NAALADL2: variants seen among roughly 807,000 people sequenced by gnomAD.
NAALADL2 encodes the protein inactive N-acetylated-alpha-linked acidic dipeptidase-like protein 2.
NAALADL2 carries 76 observed loss-of-function variants against 87.2 expected under a neutral mutation model. That is an observed-to-expected ratio of 0.87 (90% confidence interval 0.72 to 1.05). NAALADL2 has a LOEUF of 1.05. Ranked by LOEUF, NAALADL2 falls within the 50% of genes least tolerant of loss-of-function variation. NAALADL2 has a pLI of 0.00. For missense variants in NAALADL2, 1,089 were observed against 945.8 expected (o/e 1.15, Z -1.99); for synonymous variants, 354 against 331.0 (o/e 1.07, Z -0.75).
chr3:174,883,077 A>G (rs550709233), intron 1 of NAALADL2, among the ~76,000 whole-genome samples: 105 of 152,178 alleles, frequency 6.9e-4, no homozygotes, highest in African/African-American at 2.3e-3. Context: ...AGCATCCAGC[A>G]TGGGGGAAAG....
intron 10 of NAALADL2, among the ~76,000 whole-genome samples, chr3:175,578,422 G>A (rs1719232944): frequency 6.6e-6 from 1 of 152,000 alleles, no homozygotes; most frequent in African/African-American, 2.4e-5. Context: ...GACAGAGTGA[G>A]ACACTATCTC....
intron 4 of NAALADL2, among the ~76,000 whole-genome samples, chr3:175,291,346 T>G (rs1379078185): frequency 6.6e-6 from 1 of 152,170 alleles, no homozygotes; most frequent in African/African-American, 2.4e-5. Flanking sequence ...TTGCTATGCT[T>G]ATTATATATT....
intron 2 of NAALADL2, among the ~76,000 whole-genome samples, chr3:175,126,020 T>C (rs942413416): frequency 6.6e-6 from 1 of 152,084 alleles, no homozygotes; most frequent in South Asian, 2.1e-4. Flanking sequence ...TCTAAGAGTA[T>C]GTAGTGTTCA....
intron 1 of NAALADL2, among the ~76,000 whole-genome samples, chr3:174,462,210 T>C (rs1195761019): frequency 1.3e-5 from 2 of 152,068 alleles, no homozygotes; most frequent in African/African-American, 4.8e-5. Flanking sequence ...TTCAATGTTA[T>C]CCCGTATTTC....
chr3:175,165,121 A>G (rs1226343400), intron 2 of NAALADL2, among the ~76,000 whole-genome samples: 1 of 152,096 alleles, frequency 6.6e-6, no homozygotes, highest in Non-Finnish European at 1.5e-5. Flanking sequence ...TACTCAATTC[A>G]TGCATTCTTC....
intron 2 of NAALADL2, among the ~76,000 whole-genome samples, chr3:174,642,973 G>T (rs1173236565): frequency 6.6e-6 from 1 of 151,748 alleles, no homozygotes; most frequent in African/African-American, 2.4e-5. Context: ...GTAGAGTCAG[G>T]GTCTCACTAT....
At chr3:174,902,036 C>T (rs188409200) in intron 1 of NAALADL2, among the ~76,000 whole-genome samples, 3 of 152,054 alleles carry the variant, frequency 2.0e-5, no homozygotes, top group Admixed American at 6.6e-5. Context: ...ACACGACTTA[C>T]GTGGGAATCT....
intron 10 of NAALADL2, among the ~76,000 whole-genome samples, chr3:175,622,678 A>G (rs1032354595): frequency 3.9e-5 from 6 of 152,176 alleles, no homozygotes; most frequent in Non-Finnish European, 8.8e-5. Context: ...GTGATTGACA[A>G]CAGTTTACTA....
chr3:175,026,725 C>T (rs1271037737), intron 1 of NAALADL2, among the ~76,000 whole-genome samples: 2 of 151,738 alleles, frequency 1.3e-5, no homozygotes, highest in African/African-American at 4.8e-5. Context: ...AAAAATATCT[C>T]TGGTTTAAAG....
At chr3:175,027,313 A>T (rs1286506894) in intron 1 of NAALADL2, among the ~76,000 whole-genome samples, 1 of 152,152 alleles carries the variant, frequency 6.6e-6, no homozygotes, top group Non-Finnish European at 1.5e-5. Flanking sequence ...GATCTGAAGC[A>T]GCATAGGTGA....
At chr3:174,898,909 TCTTGA>T (rs1227384160) in intron 1 of NAALADL2, among the ~76,000 whole-genome samples, 48 of 152,174 alleles carry the variant, frequency 3.2e-4, no homozygotes, top group African/African-American at 1.1e-3. Context: ...ATGTTGTACT[TCTTGA>T]CTTGAGTAGT....
At chr3:175,473,297 T>C (rs1297377950) in intron 9 of NAALADL2, among the ~76,000 whole-genome samples, 1 of 152,100 alleles carries the variant, frequency 6.6e-6, no homozygotes, top group East Asian at 1.9e-4. Flanking sequence ...TGTCAACATG[T>C]ACCTCACTTT....
intron 1 of NAALADL2, among the ~76,000 whole-genome samples, chr3:175,040,162 T>C (rs1162655579): frequency 6.6e-6 from 1 of 152,156 alleles, no homozygotes; most frequent in African/African-American, 2.4e-5. Flanking sequence ...ACGCCTGAAA[T>C]TGTAATCATT....
In NAALADL2 at chr3:175,385,744, T is replaced by A. The variant is rs113707218; in HGVS notation, c.1090+61419T>A. On this transcript the variant is annotated intron_variant, in intron 5 of 13. Coordinates refer to ENST00000454872, the MANE Select transcript of NAALADL2 (RefSeq NM_207015.3). The stretch of plus-strand genomic sequence containing the variant: ...CACATCTACCTCAAAAATATGTACA[T>A]CTAATATGTATCAATGAAAAACAAA... Among the ~76,000 whole-genome samples the A allele has an allele frequency of 1.2e-4, 18 of 152,134 alleles. 1 individual carries two copies. Among genetic ancestry groups the A allele is most frequent in the African/African-American group, 4.3e-4 (18 of 41,510 alleles).
chr3:175,448,582 C>T (rs1424574422), intron 6 of NAALADL2, among the ~76,000 whole-genome samples: 1 of 152,188 alleles, frequency 6.6e-6, no homozygotes, highest in Admixed American at 6.5e-5. Context: ...CCTATGTCAC[C>T]TCCCACTGGA....
intron 1 of NAALADL2, among the ~76,000 whole-genome samples, chr3:174,477,251 G>A (rs73172524): frequency 0.016 from 2,399 of 152,208 alleles, 40 homozygotes; most frequent in Non-Finnish European, 0.023. Flanking sequence ...AATATCATTT[G>A]CTATAGAGCT....
chr3:175,717,418 A>G (rs1034069566), intron 11 of NAALADL2, among the ~76,000 whole-genome samples: 1 of 152,104 alleles, frequency 6.6e-6, no homozygotes, highest in Non-Finnish European at 1.5e-5. Context: ...TAGGCCTAGT[A>G]TGATGGCTCA....
intron 11 of NAALADL2, among the ~76,000 whole-genome samples, chr3:175,669,896 C>G (rs1285258191): frequency 6.6e-6 from 1 of 151,744 alleles, no homozygotes. Context: ...TATTACTATC[C>G]AATGATAGAC....
chr3:174,536,445 T>A (rs1578114437), intron 1 of NAALADL2, among the ~76,000 whole-genome samples: 1 of 152,194 alleles, frequency 6.6e-6, no homozygotes, highest in Non-Finnish European at 1.5e-5. Context: ...ACTGTCAAGA[T>A]TCCTCTATTT....
Sources: allele counts gnomAD v4.1 joint callset (sites outside exome capture counted in the v4.1 genomes callset), GRCh38; gene constraint gnomAD v4.1.1; transcripts MANE v1.5; gene names NCBI Gene and HGNC (gene_info 2026-07-23, HGNC 2026-07-21).